CASR: variants seen among roughly 807,000 people sequenced by gnomAD.
CASR encodes the protein calcium sensing receptor, also known as extracellular calcium-sensing receptor.
CASR carries 23 observed loss-of-function variants against 69.1 expected under a neutral mutation model. The observed-to-expected ratio is 0.33, with a 90% CI of 0.24 to 0.47. The LOEUF (loss-of-function observed/expected upper bound fraction) is 0.47. Ranked by LOEUF, CASR falls within the 20% of genes least tolerant of loss-of-function variation. CASR has a pLI of 1.00. For missense variants in CASR, 924 were observed against 1,356.1 expected, an observed-to-expected ratio of 0.68 and a Z score of 5.00; for synonymous variants, 541 against 544.7, an observed-to-expected ratio of 0.99 and a Z score of 0.10.
At chr3:122,267,041 T>C (rs967828486) in intron 4 of CASR, among the ~76,000 whole-genome samples, 10 of 152,162 alleles carry the variant, frequency 6.6e-5, no homozygotes, top group Non-Finnish European at 1.2e-4. Context: ...GTGTTCTCTC[T>C]CGGGCAGATA....
intron 1 of CASR, among the ~76,000 whole-genome samples, chr3:122,231,356 A>G (rs952367175): frequency 2.0e-5 from 3 of 152,222 alleles, no homozygotes; most frequent in African/African-American, 4.8e-5. Context: ...GATCAATTCA[A>G]TTAGTAAAGG....
In CASR at chr3:122,262,130, A is replaced by G; in HGVS notation, c.1095A>G (p.Lys365=). ...ACTGCCACCTCCAAGAAGGTGCAAA[A>G]GGACCTTTACCTGTGGACACCTTTC... The part of the protein sequence containing the change: ...TFNCHLQEGA[K]GPLPVDTFLR... Residue 365 remains lysine, a synonymous_variant, in exon 4 of 7, where the codon AAA becomes AAG. Coordinates refer to ENST00000639785, the MANE Select transcript of CASR (RefSeq NM_000388.4). 1 of 1,614,232 alleles carries G rather than the reference A, an allele frequency of 6.2e-7. No homozygotes were observed. Among genetic ancestry groups the G allele is most frequent in the South Asian group, 1.1e-5 (1 of 91,086 alleles).
In CASR at chr3:122,262,194, A is replaced by G. The variant is rs765116594; in HGVS notation, c.1159A>G (p.Ser387Gly). ...AGAAAGTGGCGACAGGTTTAGCAACAGCTCGACAGCCTTCCGACCCCTCTG... is the reference window on the plus strand; with the variant it reads ...AGAAAGTGGCGACAGGTTTAGCAACGGCTCGACAGCCTTCCGACCCCTCTG... ...HEESGDRFSN[S>G]STAFRPLCTG... The change falls in exon 4 of 7, where the codon AGC becomes GGC. Residue 387 changes from serine (S) to glycine (G), a missense_variant. Ser to Gly is a moderately conservative substitution (Grantham distance 56). This residue lies in a region of CASR where 310 missense variants were observed against 395.7 expected (regional missense o/e 0.78). Transcript: ENST00000639785. 2 of 1,614,224 alleles carry G rather than the reference A, an allele frequency of 1.2e-6. No individual in the cohort carries two copies. The highest frequency in any genetic ancestry group is 1.7e-5 in the Admixed American group (1 of 60,032).
intron 4 of CASR, among the ~76,000 whole-genome samples, chr3:122,268,558 A>T (rs1249556552): frequency 6.6e-6 from 1 of 152,190 alleles, no homozygotes; most frequent in East Asian, 1.9e-4. Flanking sequence ...CTCGGTCCTT[A>T]CACAAAGAGA....
chr3:122,217,550 G>A (rs780626607), intron 1 of CASR, among the ~76,000 whole-genome samples: 4 of 152,190 alleles, frequency 2.6e-5, no homozygotes, highest in African/African-American at 9.7e-5. Flanking sequence ...ATGTAACAAT[G>A]AGTGAGAAGA....
chr3:122,267,718 T>C (rs1290240743), intron 4 of CASR, among the ~76,000 whole-genome samples: 2 of 152,142 alleles, frequency 1.3e-5, no homozygotes, highest in Non-Finnish European at 2.9e-5. Flanking sequence ...AGCATATACA[T>C]TTGCCCAAAT....
At chr3:122,273,243 A>G (rs1022980184) in intron 4 of CASR, among the ~76,000 whole-genome samples, 4 of 152,246 alleles carry the variant, frequency 2.6e-5, no homozygotes, top group Non-Finnish European at 4.4e-5. Context: ...AATTTATATT[A>G]GAGGTGTAGG....
intron 1 of CASR, among the ~76,000 whole-genome samples, chr3:122,240,125 G>A (rs1338736327): frequency 6.6e-6 from 1 of 152,186 alleles, no homozygotes; most frequent in Non-Finnish European, 1.5e-5. Context: ...GATAAAAAAG[G>A]ATACTAAAAG....
At chr3:122,252,441 G>GAAAGAAAGAA (rs1559954380) in intron 1 of CASR, among the ~76,000 whole-genome samples, 1 of 79,046 alleles carries the variant, frequency 1.3e-5, no homozygotes, top group Non-Finnish European at 2.4e-5. Context: ...AAGAAAGAAA[G>GAAAGAAAGAA]AAAGAAAAAA....
Position 122,282,264 on chromosome 3 carries a change from C to T in CASR, c.1732+28C>T, listed in dbSNP as rs202124167. On this transcript the variant is annotated intron_variant, in intron 6 of 6. Transcript: ENST00000639785. ...AAGGGAACCCCTCTTGGGCACTGTGCAGGGCTTGGTCCACTTCGGAGGCCT... is the reference window on the plus strand; with the variant it reads ...AAGGGAACCCCTCTTGGGCACTGTGTAGGGCTTGGTCCACTTCGGAGGCCT... The T allele has an allele frequency of 1.6e-5, 26 of 1,612,674 alleles. No individual in the cohort carries two copies. The Admixed American group carries it at 4.3e-4, about 27-fold the overall frequency.
intron 1 of CASR, among the ~76,000 whole-genome samples, chr3:122,210,879 C>CA (rs922177568): frequency 1.8e-4 from 27 of 152,266 alleles, no homozygotes; most frequent in African/African-American, 6.5e-4. Context: ...GGTATTGGTA[C>CA]AAAAACAGAC....
At position 122,285,058 on chromosome 3, in the gene CASR, C is replaced by A; in HGVS notation, c.3104C>A (p.Pro1035His). The stretch of plus-strand genomic sequence containing the variant: ...GTCCAGGAAACAGGTCTGCAAGGAC[C>A]TGTGGGTGGAGACCAGCGGCCAGAG... ...LTVQETGLQG[P>H]VGGDQRPEVE... is the part of the protein sequence containing the mutation. Residue 1035 changes from proline to histidine, a missense_variant, in exon 7 of 7, where the codon CCT (proline) becomes CAT (histidine). Pro to His is a moderately conservative substitution (Grantham distance 77). Transcript: ENST00000639785. The A allele has an allele frequency of 6.2e-7, 1 of 1,614,226 alleles. No homozygotes were observed.
intron 1 of CASR, among the ~76,000 whole-genome samples, chr3:122,215,094 C>T (rs914998635): frequency 1.6e-4 from 11 of 70,728 alleles, no homozygotes; most frequent in Middle Eastern, 8.1e-3. Flanking sequence ...GAATAACAGA[C>T]GGAGAAAGTC....
Position 122,284,138 on chromosome 3 carries a change from T to A in CASR, c.2184T>A (p.Val728=). 1.2e-6 allele frequency: 2 copies of A among 1,613,798 alleles called. No individual in the cohort carries two copies. The highest frequency in any genetic ancestry group is 1.7e-6 in the Non-Finnish European group (2 of 1,179,736). ...WWGLNLQFLL[V]FLCTFMQIVI... is the part of the protein sequence containing the mutation. ...GGCTCAACCTGCAGTTCCTGCTGGT[T>A]TTCCTCTGCACCTTCATGCAGATTG... The change falls in exon 7 of 7, where the codon GTT becomes GTA. Residue 728 remains valine, a synonymous_variant. Coordinates refer to ENST00000639785, the MANE Select transcript of CASR (RefSeq NM_000388.4).
chr3:122,262,198 C>T lies in CASR; in HGVS notation c.1163C>T (p.Ser388Leu), dbSNP rs377282860. ...EESGDRFSNS[S>L]TAFRPLCTGD... is the part of the protein sequence containing the mutation. ...AGTGGCGACAGGTTTAGCAACAGCT[C>T]GACAGCCTTCCGACCCCTCTGTACA... Residue 388 changes from serine to leucine, a missense_variant, in exon 4 of 7, where the codon TCG (serine) becomes TTG (leucine). Transcript: ENST00000639785. 10 of 1,614,072 alleles carry T rather than the reference C, an allele frequency of 6.2e-6. No individual in the cohort carries two copies. The highest frequency in any genetic ancestry group is 2.2e-5 in the South Asian group (2 of 91,084).
chr3:122,256,355 T>C (rs888588524), intron 2 of CASR, among the ~76,000 whole-genome samples: 1 of 152,272 alleles, frequency 6.6e-6, no homozygotes, highest in Non-Finnish European at 1.5e-5. Flanking sequence ...TATGTTTTCC[T>C]GGTCCTTTTC....
At chr3:122,270,082 T>C (rs2074741742) in intron 4 of CASR, among the ~76,000 whole-genome samples, 1 of 152,160 alleles carries the variant, frequency 6.6e-6, no homozygotes, top group Non-Finnish European at 1.5e-5. Context: ...CCTCAAGTGA[T>C]CCACCCACCT....
chr3:122,248,645 T>G (rs1481908225), intron 1 of CASR, among the ~76,000 whole-genome samples: 1 of 148,760 alleles, frequency 6.7e-6, no homozygotes, highest in African/African-American at 2.5e-5. Context: ...AATTCAAAAA[T>G]AGTAGCTTTT....
At chr3:122,187,440 C>A (rs1237626033) in intron 1 of CASR, among the ~76,000 whole-genome samples, 1 of 152,186 alleles carries the variant, frequency 6.6e-6, no homozygotes, top group Non-Finnish European at 1.5e-5. Context: ...CAGAGCTGTG[C>A]TAGACAGTAT....
Sources: gnomAD v4.1 joint callset for allele counts (sites outside exome capture counted in the v4.1 genomes callset) on GRCh38, gnomAD v4.1.1 for gene constraint, gnomAD v4.1.1 regional missense constraint, MANE v1.5 for transcripts, NCBI Gene and HGNC (gene_info 2026-07-23, HGNC 2026-07-21) for gene names.